The following TFPI variants were observed in gnomAD, a reference collection of about 807,000 sequenced individuals.
The protein encoded by TFPI is anti-convertin.
A neutral mutation model predicts 34.6 loss-of-function variants in TFPI; 15 were observed. That is an observed-to-expected ratio of 0.43 (90% CI 0.29 to 0.67). The LOEUF (loss-of-function observed/expected upper bound fraction) is 0.67, where lower values mean the gene tolerates loss of function less well. Ranked by LOEUF, TFPI falls within the 30% of genes least tolerant of loss-of-function variation. The pLI is 0.15. For missense variants in TFPI, 301 were observed against 364.0 expected (o/e 0.83, Z 1.41); for synonymous variants, 105 against 120.1 (o/e 0.87, Z 0.82).
At chr2:187,539,866 T>C (rs1433944127) in intron 1 of TFPI, among the ~76,000 whole-genome samples, 2 of 152,026 alleles carry the variant, frequency 1.3e-5, no homozygotes, top group Non-Finnish European at 1.5e-5. Context: ...CTGACATCTT[T>C]AACATCACAA....
chr2:187,475,336 T>C (rs780278167), intron 6 of TFPI, among the ~76,000 whole-genome samples: 18 of 152,284 alleles, frequency 1.2e-4, no homozygotes, highest in Non-Finnish European at 2.2e-4. Flanking sequence ...TCAAGTGCTA[T>C]ATATGTTATT....
chr2:187,527,438 T>C (rs567527901), intron 1 of TFPI, among the ~76,000 whole-genome samples: 1 of 152,252 alleles, frequency 6.6e-6, no homozygotes, highest in South Asian at 2.1e-4. Context: ...AAATACATTG[T>C]GGGAATGCAA....
chr2:187,542,984 A>G (rs958609257), intron 1 of TFPI, among the ~76,000 whole-genome samples: 1 of 152,218 alleles, frequency 6.6e-6, no homozygotes, highest in African/African-American at 2.4e-5. Flanking sequence ...TAATATTTGA[A>G]TGATTATATT....
chr2:187,528,827 C>G (rs1356401708), intron 1 of TFPI, among the ~76,000 whole-genome samples: 2 of 150,354 alleles, frequency 1.3e-5, no homozygotes, highest in African/African-American at 2.5e-5. Flanking sequence ...AATCACTGCT[C>G]TATGCTGTCA....
intron 6 of TFPI, among the ~76,000 whole-genome samples, chr2:187,479,434 T>C (rs2105988234): frequency 6.6e-6 from 1 of 150,752 alleles, no homozygotes; most frequent in Admixed American, 6.6e-5. Flanking sequence ...AATATCTGAG[T>C]CATATCTGAG....
chr2:187,467,913 C>G lies in TFPI; in HGVS notation c.648G>C (p.Trp216Cys). 6.3e-7 allele frequency: 1 copy of G among 1,580,752 alleles called. No homozygotes were observed. Among genetic ancestry groups the G allele is most frequent in the South Asian group, 1.2e-5 (1 of 84,856 alleles). The change falls in exon 7 of 8, where the codon TGG becomes TGC. Residue 216 changes from tryptophan to cysteine, a missense_variant. Physicochemically the swap from Trp to Cys is radical, Grantham distance 215 (BLOSUM62 -2). Transcript: ENST00000233156. ...ATCCTCTGTCTGCTGGAGTGAGACA[C>G]CATGAGGGACCGTGAAATTCTAAAA... is the stretch of plus-strand genomic sequence containing the variant. ...PSLFEFHGPS[W>C]CLTPADRGLC...
intron 1 of TFPI, among the ~76,000 whole-genome samples, chr2:187,524,914 G>T (rs1213637284): frequency 6.6e-6 from 1 of 151,916 alleles, no homozygotes; most frequent in Non-Finnish European, 1.5e-5. Flanking sequence ...GTGAGTCTGT[G>T]GGAAAGATGA....
At chr2:187,474,282 G>A (rs1202143708) in intron 6 of TFPI, among the ~76,000 whole-genome samples, 1 of 152,130 alleles carries the variant, frequency 6.6e-6, no homozygotes. Context: ...TTAGTAAGCA[G>A]AGAATACAGA....
chr2:187,494,160 G>A lies in TFPI; in HGVS notation c.319+2721C>T, dbSNP rs1445433517. 6.6e-5 allele frequency among the ~76,000 whole-genome samples: 10 copies of A among 152,116 alleles called. No homozygotes were observed. The East Asian group carries it at 1.9e-3, about 29-fold the overall frequency. ...AGACCCATTCACTACCACGATAATA[G>A]CATGGGAAAGACCACCTTCCCCCCC... On this transcript the variant is annotated intron_variant, in intron 3 of 7. Coordinates refer to ENST00000233156, the MANE Select transcript of TFPI (RefSeq NM_006287.6).
At chr2:187,488,235 T>C (rs1205589012) in intron 4 of TFPI, 102 bp downstream of exon 4, 3 of 877,578 alleles carry the variant, frequency 3.4e-6, no homozygotes, top group Non-Finnish European at 5.3e-6. Context: ...ATATCTATAC[T>C]GAATCAGGGA....
chr2:187,538,500 C>A (rs560813448), intron 1 of TFPI, among the ~76,000 whole-genome samples: 1 of 152,312 alleles, frequency 6.6e-6, no homozygotes, highest in East Asian at 1.9e-4. Context: ...AAACCAAACA[C>A]TGCATGTTCT....
intron 1 of TFPI, among the ~76,000 whole-genome samples, chr2:187,508,427 C>T (rs1686379864): frequency 1.3e-5 from 2 of 152,064 alleles, no homozygotes; most frequent in South Asian, 4.2e-4. Context: ...AATATTGATT[C>T]TTCCTATCCA....
At chr2:187,509,419 G>C (rs908299959) in intron 1 of TFPI, among the ~76,000 whole-genome samples, 12 of 152,088 alleles carry the variant, frequency 7.9e-5, no homozygotes, top group East Asian at 3.9e-4. Context: ...CTGTGAATCT[G>C]TCTGATCCTG....
intron 6 of TFPI, among the ~76,000 whole-genome samples, chr2:187,481,201 T>C (rs1168255218): frequency 6.6e-6 from 1 of 152,052 alleles, no homozygotes; most frequent in African/African-American, 2.4e-5. Flanking sequence ...TTCCTGTACA[T>C]TGAATTGAAA....
intron 5 of TFPI, chr2:187,484,484 G>A: frequency 2.0e-6 from 1 of 496,986 alleles, no homozygotes; most frequent in South Asian, 3.4e-5. Flanking sequence ...AGTGACTTTA[G>A]GTGGTGGTTT....
chr2:187,531,784 T>C (rs1462574861), intron 1 of TFPI, among the ~76,000 whole-genome samples: 1 of 152,140 alleles, frequency 6.6e-6, no homozygotes, highest in Admixed American at 6.5e-5. Context: ...AAGACAGCAT[T>C]CTATTTGATA....
intron 1 of TFPI, among the ~76,000 whole-genome samples, chr2:187,510,966 G>A (rs781568387): frequency 6.6e-6 from 1 of 152,148 alleles, no homozygotes; most frequent in Non-Finnish European, 1.5e-5. Flanking sequence ...TTGGTACCCT[G>A]ACCAGGAAGC....
Position 187,484,487 on chromosome 2 carries a change from GGTGGTTTTCA to G in TFPI, c.536-281_536-272del. On this transcript the variant is annotated intron_variant, in intron 5 of 7. Coordinates refer to ENST00000233156, the MANE Select transcript of TFPI (RefSeq NM_006287.6). ...CAGATAAAACTGAGTGACTTTAGGT[GGTGGTTTTCA>G]GTAACTGTTTGCTCTCATATTTGTA... 4.1e-6 allele frequency: 2 copies of G among 492,762 alleles called. 1 individual carries two copies. Among genetic ancestry groups the G allele is most frequent in the Non-Finnish European group, 7.1e-6 (2 of 283,630 alleles). 30.5% of individuals were successfully genotyped at this position (492,762 alleles called of 1,614,324 possible). A position where few individuals can be genotyped will look rare whatever the true frequency, so the allele number is the denominator to read the frequency against.
chr2:187,485,606 A>G (rs1487596582), intron 4 of TFPI, among the ~76,000 whole-genome samples: 3 of 151,700 alleles, frequency 2.0e-5, no homozygotes, highest in Admixed American at 6.6e-5. Context: ...TCAATAATGC[A>G]GAGGCAGAAA....
Sources: allele counts gnomAD v4.1 joint callset (sites outside exome capture counted in the v4.1 genomes callset), GRCh38; gene constraint gnomAD v4.1.1; transcripts MANE v1.5; gene names NCBI Gene and HGNC (gene_info 2026-07-23, HGNC 2026-07-21).